Variants in BBX observed in about 807,000 individuals in gnomAD.
BBX encodes the protein HMG box transcription factor BBX.
A neutral mutation model predicts 100.2 loss-of-function variants in BBX; 30 were observed. The ratio of observed to expected loss-of-function variants is 0.30; its 90% CI spans 0.22 to 0.41. BBX has a LOEUF of 0.41. Ranked by LOEUF, BBX falls within the 10% of genes least tolerant of loss-of-function variation. The probability of loss-of-function intolerance (pLI) is 1.00; values close to 1 mark genes in which losing one functional copy is unlikely to be tolerated. For missense variants in BBX, 1,023 were observed against 1,129.8 expected, an observed-to-expected ratio of 0.91 and a Z score of 1.35; for synonymous variants, 376 against 388.1, an observed-to-expected ratio of 0.97 and a Z score of 0.37.
chr3:107,745,944 C>T (rs1263240866), intron 8 of BBX, among the ~76,000 whole-genome samples: 1 of 152,098 alleles, frequency 6.6e-6, no homozygotes. Flanking sequence ...ATCTAAGATC[C>T]AGAGAGATCC....
chr3:107,538,680 A>G (rs2048670471), intron 2 of BBX, among the ~76,000 whole-genome samples: 1 of 152,170 alleles, frequency 6.6e-6, no homozygotes, highest in Non-Finnish European at 1.5e-5. Context: ...TGGAAGCTTT[A>G]ATATTCCCAG....
intron 2 of BBX, among the ~76,000 whole-genome samples, chr3:107,600,127 C>T (rs1480815502): frequency 6.6e-6 from 1 of 152,168 alleles, no homozygotes; most frequent in East Asian, 1.9e-4. Flanking sequence ...ACCATTGATG[C>T]CTGACCTATA....
chr3:107,659,453 A>C (rs1400305504), intron 3 of BBX: 1 of 161,166 alleles, frequency 6.2e-6, no homozygotes, highest in Non-Finnish European at 1.4e-5. Context: ...ATACATCTTA[A>C]AAGTACATTT....
At chr3:107,619,130 A>G (rs2107682336) in intron 2 of BBX, among the ~76,000 whole-genome samples, 1 of 152,198 alleles carries the variant, frequency 6.6e-6, no homozygotes, top group Admixed American at 6.5e-5. Context: ...TTTTATCATG[A>G]TACAGTGTTT....
At chr3:107,763,352 A>G (rs2066073349) in intron 10 of BBX, among the ~76,000 whole-genome samples, 1 of 150,344 alleles carries the variant, frequency 6.7e-6, no homozygotes, top group South Asian at 2.1e-4. Context: ...AGCCTCCCTT[A>G]CTTTTTATCT....
At chr3:107,732,080 C>T (rs1417380341) in intron 6 of BBX, among the ~76,000 whole-genome samples, 1 of 152,000 alleles carries the variant, frequency 6.6e-6, no homozygotes, top group Non-Finnish European at 1.5e-5. Context: ...GAGACAGGGT[C>T]CCACTCTGTC....
intron 2 of BBX, among the ~76,000 whole-genome samples, chr3:107,587,255 A>C (rs1367117972): frequency 6.6e-6 from 1 of 151,738 alleles, no homozygotes; most frequent in African/African-American, 2.4e-5. Context: ...GCTGAGGCAG[A>C]AGAATCACTT....
chr3:107,652,721 G>T (rs960461536), intron 3 of BBX, among the ~76,000 whole-genome samples: 2 of 152,118 alleles, frequency 1.3e-5, no homozygotes, highest in African/African-American at 4.8e-5. Context: ...CTATTATAGA[G>T]AAGTGTGTTT....
At chr3:107,686,960 T>A (rs981113476) in intron 3 of BBX, among the ~76,000 whole-genome samples, 6 of 152,162 alleles carry the variant, frequency 3.9e-5, no homozygotes, top group African/African-American at 7.2e-5. Context: ...AAATAAAAAA[T>A]TTATATTTAT....
At chr3:107,698,170 A>G (rs894468048) in intron 3 of BBX, among the ~76,000 whole-genome samples, 21 of 151,766 alleles carry the variant, frequency 1.4e-4, no homozygotes, top group African/African-American at 5.1e-4. Flanking sequence ...GGTCGCTCAC[A>G]CTGGGAGCTG....
intron 13 of BBX, among the ~76,000 whole-genome samples, chr3:107,779,618 T>C (rs2067665117): frequency 6.6e-6 from 1 of 152,144 alleles, no homozygotes; most frequent in Non-Finnish European, 1.5e-5. Context: ...CAAATCAGAT[T>C]AATTCCACTC....
intron 2 of BBX, among the ~76,000 whole-genome samples, chr3:107,643,225 C>T (rs1012357070): frequency 2.0e-5 from 3 of 152,128 alleles, no homozygotes; most frequent in African/African-American, 7.2e-5. Context: ...AGAGCTGTGT[C>T]AAAAAGCCAG....
At chr3:107,568,672 T>G (rs1375006853) in intron 2 of BBX, among the ~76,000 whole-genome samples, 1 of 152,200 alleles carries the variant, frequency 6.6e-6, no homozygotes, top group East Asian at 1.9e-4. Flanking sequence ...CTTTTCTTTT[T>G]TTAACCATTT....
Position 107,772,803 on chromosome 3 carries a change from A to G in BBX, c.1082A>G (p.Lys361Arg). 1 of 1,613,582 alleles carries G rather than the reference A, an allele frequency of 6.2e-7. No homozygotes were observed. Among genetic ancestry groups the G allele is most frequent in the Non-Finnish European group, 8.5e-7 (1 of 1,179,882 alleles). Reference sequence around the variant, plus strand: ...GAAGCAGAATTTGAAAAATCGGCTAAGGAAAATTTAAGAGATTCTAAGGAA... The same window carrying G: ...GAAGCAGAATTTGAAAAATCGGCTAGGGAAAATTTAAGAGATTCTAAGGAA... ...QKEAEFEKSAKENLRDSKELR... is the reference protein window; with the variant it reads ...QKEAEFEKSARENLRDSKELR... Residue 361 changes from lysine to arginine, a missense_variant, in exon 11 of 18, where the codon AAG (lysine) becomes AGG (arginine). By Grantham distance (26) the Lys-to-Arg change is conservative (BLOSUM62 2). This residue lies in a region of BBX where 348 missense variants were observed against 353.2 expected (regional missense o/e 0.99). Transcript: ENST00000325805.
intron 2 of BBX, among the ~76,000 whole-genome samples, chr3:107,542,758 C>T (rs993832172): frequency 6.6e-6 from 1 of 152,268 alleles, no homozygotes; most frequent in African/African-American, 2.4e-5. Context: ...CATTCCATCC[C>T]AGTTCATTCT....
chr3:107,593,601 G>A (rs536701369), intron 2 of BBX, among the ~76,000 whole-genome samples: 35 of 152,292 alleles, frequency 2.3e-4, no homozygotes, highest in African/African-American at 6.7e-4. Context: ...CTATGGGATC[G>A]TAGAGGGTAA....
At chr3:107,736,854 A>C (rs1011076698) in intron 7 of BBX, among the ~76,000 whole-genome samples, 1 of 152,080 alleles carries the variant, frequency 6.6e-6, no homozygotes. Flanking sequence ...GGTTGGAGAA[A>C]AGTAGAATAT....
chr3:107,728,519 G>A (rs11705796), intron 5 of BBX, among the ~76,000 whole-genome samples: 20,902 of 152,060 alleles, frequency 0.14, 1,826 homozygotes, highest in South Asian at 0.28. Flanking sequence ...ATTTTTTAAA[G>A]TTGAGGATTA....
intron 2 of BBX, among the ~76,000 whole-genome samples, chr3:107,553,262 ATCT>A (rs1484598642): frequency 3.3e-5 from 5 of 152,344 alleles, no homozygotes; most frequent in Non-Finnish European, 7.3e-5. Context: ...ATTTTAAACC[ATCT>A]TATTTAATCT....
Sources: gnomAD v4.1 joint callset for allele counts (sites outside exome capture counted in the v4.1 genomes callset) on GRCh38, gnomAD v4.1.1 for gene constraint, gnomAD v4.1.1 regional missense constraint, MANE v1.5 for transcripts, NCBI Gene and HGNC (gene_info 2026-07-23, HGNC 2026-07-21) for gene names.